Variants in AFF4 observed in about 807,000 individuals in gnomAD.
The protein encoded by AFF4 is AF4/FMR2 family member 4.
A neutral mutation model predicts 124.8 loss-of-function variants in AFF4; 13 were observed. The ratio of observed to expected loss-of-function variants is 0.10; its 90% CI spans 0.07 to 0.17. The LOEUF (loss-of-function observed/expected upper bound fraction) is 0.17, where lower values mean the gene tolerates loss of function less well. Among genes scored for constraint, AFF4 ranks in the 10% least tolerant of loss-of-function variants. The pLI is 1.00. For missense variants in AFF4, 1,092 were observed against 1,403.8 expected (o/e 0.78, Z 3.55); for synonymous variants, 477 against 496.1 (o/e 0.96, Z 0.51).
chr5:132,938,162 T>C (rs1227325928), intron 1 of AFF4, among the ~76,000 whole-genome samples: 5 of 151,830 alleles, frequency 3.3e-5, no homozygotes, highest in Non-Finnish European at 7.4e-5. Context: ...TCAGGTTATA[T>C]GTGTGGAGCA....
rs1401971893 is a variant in AFF4 at position 132,888,148 on chromosome 5, T to C, written c.2745A>G (p.Ala915=). The C allele has an allele frequency of 3.1e-6, 5 of 1,609,430 alleles. No homozygotes were observed. The highest frequency in any genetic ancestry group is 4.2e-6 in the Non-Finnish European group (5 of 1,177,698). ...TTTTTGCTTCTTGTAAATAATGGTC[T>C]GCTGAATAATTTCTGCAAGACAAAT... The part of the protein sequence containing the change: ...KLVFDDRNYS[A]DHYLQEAKKL... The change falls in exon 15 of 21, where the codon GCA becomes GCG. Residue 915 remains alanine, a synonymous_variant. Transcript: ENST00000265343.
At chr5:132,955,344 G>A (rs904772147) in intron 1 of AFF4, among the ~76,000 whole-genome samples, 1 of 152,066 alleles carries the variant, frequency 6.6e-6, no homozygotes, top group Admixed American at 6.6e-5. Flanking sequence ...CAAGCTTGAG[G>A]GGCCCTCACC....
chr5:132,945,982 C>T (rs1190051930), intron 1 of AFF4, among the ~76,000 whole-genome samples: 2 of 152,000 alleles, frequency 1.3e-5, no homozygotes, highest in Admixed American at 6.6e-5. Flanking sequence ...ATTGCTTGAA[C>T]CCGGGACGCG....
In AFF4 at chr5:132,889,172, TCCTGA is replaced by T. The variant is rs1284413202; in HGVS notation, c.2638-4_2638del. 2.5e-6 allele frequency: 4 copies of T among 1,608,094 alleles called. No individual in the cohort carries two copies. Among genetic ancestry groups the T allele is most frequent in the Non-Finnish European group, 3.4e-6 (4 of 1,175,158 alleles). ...GTTAGAGGAGCTACTTGGAGCCTTT[TCCTGA>T]CCAAAAAAATATATAACTACAATGA... On this transcript the variant is annotated splice_acceptor_variant and splice_polypyrimidine_tract_variant and coding_sequence_variant and intron_variant, in exon 14 of 21. Transcript: ENST00000265343. LOFTEE classifies it high-confidence loss of function.
At chr5:132,923,371 G>GGAGAGA (rs72156570) in intron 5 of AFF4, among the ~76,000 whole-genome samples, 7 of 148,470 alleles carry the variant, frequency 4.7e-5, no homozygotes, top group African/African-American at 1.7e-4. Context: ...AGGAAAGAAA[G>GGAGAGA]GAGAGAGAGA....
intron 4 of AFF4, among the ~76,000 whole-genome samples, chr5:132,931,923 G>A (rs149289261): frequency 0.021 from 3,194 of 152,034 alleles, 85 homozygotes; most frequent in African/African-American, 0.058. Context: ...CAGGCTGGGC[G>A]ACAGAGTGAG....
In AFF4 at chr5:132,880,467, A is replaced by G. The variant is rs941875877; in HGVS notation, c.*592T>C. On this transcript the variant is annotated 3_prime_UTR_variant, in exon 21 of 21. Coordinates refer to ENST00000265343, the MANE Select transcript of AFF4 (RefSeq NM_014423.4). ...AAGTGATTTTTTCATGTGTAGAAGA[A>G]TATCCTTAATACTAACTGTAAATTC... 2.5e-6 allele frequency: 1 copy of G among 397,396 alleles called. No homozygotes were observed. Among genetic ancestry groups the G allele is most frequent in the African/African-American group, 2.1e-5 (1 of 48,606 alleles). 24.6% of individuals were successfully genotyped at this position (397,396 alleles called of 1,614,324 possible). A position where few individuals can be genotyped will look rare whatever the true frequency, so the allele number is the denominator to read the frequency against.
At chr5:132,950,627 C>T (rs1242324563) in intron 1 of AFF4, among the ~76,000 whole-genome samples, 1 of 151,780 alleles carries the variant, frequency 6.6e-6, no homozygotes, top group Non-Finnish European at 1.5e-5. Context: ...CCAGCCCAGG[C>T]GACGGTGCGA....
At chr5:132,901,000 T>C in intron 7 of AFF4, 1 of 985,440 alleles carries the variant, frequency 1.0e-6, no homozygotes, top group Non-Finnish European at 1.2e-6. Flanking sequence ...GTTCAAAATA[T>C]TACATATTAA....
At position 132,878,940 on chromosome 5, in the gene AFF4, G is replaced by C. The variant is rs1387096755; in HGVS notation, c.*2119C>G. ...CATCACTGCAAATTAAGGAATCCAA[G>C]TCAGAAAAATCAGAGAAGGACAAGA... On this transcript the variant is annotated 3_prime_UTR_variant, in exon 21 of 21. Transcript: ENST00000265343. 1 of 221,542 alleles carries C rather than the reference G, an allele frequency of 4.5e-6. No individual in the cohort carries two copies. 13.7% of individuals were successfully genotyped at this position (221,542 alleles called of 1,614,324 possible).
chr5:132,944,293 T>C (rs10900814), intron 1 of AFF4, among the ~76,000 whole-genome samples: 60,141 of 151,198 alleles, frequency 0.4, 12,977 homozygotes, highest in East Asian at 0.59. Context: ...GCCGAGATCG[T>C]GCCGCTGCAC....
rs904774565 is a variant in AFF4, at chr5:132,955,536, T to A, written c.-5+7723A>T. Among the ~76,000 whole-genome samples, 3 of 152,042 alleles carry A rather than the reference T, an allele frequency of 2.0e-5. No individual in the cohort carries two copies. In the East Asian group the frequency reaches 5.8e-4, roughly 29 times the overall value. On this transcript the variant is annotated intron_variant, in intron 1 of 20. Coordinates refer to ENST00000265343, the MANE Select transcript of AFF4 (RefSeq NM_014423.4). ...ACTTATGCCTGTAATCTGAACACTTTGGGAGGCCAAGGCGGGCAGATCACG... is the reference window on the plus strand; with the variant it reads ...ACTTATGCCTGTAATCTGAACACTTAGGGAGGCCAAGGCGGGCAGATCACG...
intron 5 of AFF4, among the ~76,000 whole-genome samples, chr5:132,922,898 C>T (rs865818940): frequency 2.0e-5 from 3 of 146,760 alleles, no homozygotes; most frequent in Admixed American, 6.8e-5. Context: ...GAATGGGGGC[C>T]GGGCACAGTG....
At chr5:132,948,963 T>C (rs1376823272) in intron 1 of AFF4, among the ~76,000 whole-genome samples, 2 of 152,102 alleles carry the variant, frequency 1.3e-5, no homozygotes, top group African/African-American at 4.8e-5. Context: ...TTCCACACAA[T>C]GTTTATGGAC....
intron 4 of AFF4, among the ~76,000 whole-genome samples, chr5:132,928,117 T>C (rs1239283281): frequency 6.6e-6 from 1 of 152,066 alleles, no homozygotes; most frequent in Non-Finnish European, 1.5e-5. Flanking sequence ...TTTGTAAAGA[T>C]ATACGTATAA....
Position 132,934,628 on chromosome 5 carries a change from C to G in AFF4, c.437G>C (p.Ser146Thr), listed in dbSNP as rs758814088. 5 of 1,614,074 alleles carry G rather than the reference C, an allele frequency of 3.1e-6. No individual in the cohort carries two copies. The highest frequency in any genetic ancestry group is 3.4e-6 in the Non-Finnish European group (4 of 1,180,050). Residue 146 changes from serine (S) to threonine (T), a missense_variant, in exon 3 of 21, where the codon AGT becomes ACT. Physicochemically the swap from Ser to Thr is moderately conservative, Grantham distance 58. This residue lies in a region of AFF4 where 188 missense variants were observed against 203.0 expected (regional missense o/e 0.93). Coordinates refer to ENST00000265343, the MANE Select transcript of AFF4 (RefSeq NM_014423.4). ...CTCACGGTCGTGCCTCTGACCACTA[C>G]TGTTAGTGCCACTACTGCTACCTGC... Reference protein sequence around the residue: ...TSAGSSSGTNSSGQRHDRESY... With the variant: ...TSAGSSSGTNTSGQRHDRESY...
chr5:132,958,852 C>T (rs764614323), intron 1 of AFF4, among the ~76,000 whole-genome samples: 19 of 152,132 alleles, frequency 1.2e-4, no homozygotes, highest in African/African-American at 1.9e-4. Context: ...GCCCTGTCCC[C>T]GAACAGATCT....
chr5:132,880,387 C>T lies in AFF4; in HGVS notation c.*672G>A. The T allele has an allele frequency of 2.5e-6, 1 of 398,780 alleles. No individual in the cohort carries two copies. Among genetic ancestry groups the T allele is most frequent in the Middle Eastern group, 6.3e-4 (1 of 1,584 alleles). 24.7% of individuals were successfully genotyped at this position (398,780 alleles called of 1,614,324 possible). On this transcript the variant is annotated 3_prime_UTR_variant, in exon 21 of 21. Coordinates refer to ENST00000265343, the MANE Select transcript of AFF4 (RefSeq NM_014423.4). ...TTCACAGTTTTTGAAATAATGCATA[C>T]CAAATCAGACACATTTCATAGTACA...
At chr5:132,892,956 G>C in intron 12 of AFF4, 74 bp downstream of exon 12, 1 of 1,392,228 alleles carries the variant, frequency 7.2e-7, no homozygotes, top group Non-Finnish European at 1.0e-6. Context: ...CTCAGAGCAT[G>C]TCAGAAAGTA....
Sources: allele counts gnomAD v4.1 joint callset (sites outside exome capture counted in the v4.1 genomes callset), GRCh38; gene constraint gnomAD v4.1.1; regional missense constraint gnomAD v4.1.1; transcripts MANE v1.5; gene names NCBI Gene and HGNC (gene_info 2026-07-23, HGNC 2026-07-21).